Variants in KRT7 observed in about 807,000 individuals in gnomAD.
The protein encoded by KRT7 is keratin 7, also known as keratin, type II cytoskeletal 7.
A neutral mutation model predicts 42.8 loss-of-function variants in KRT7; 50 were observed. The observed-to-expected ratio is 1.17, with a 90% CI of 0.93 to 1.48. The LOEUF is 1.48. Among genes scored for constraint, KRT7 ranks in the 40% most tolerant of loss-of-function variants. The pLI, the probability that KRT7 is intolerant of heterozygous loss-of-function variation, is 0.00. For missense variants in KRT7, 588 were observed against 637.6 expected, an observed-to-expected ratio of 0.92 and a Z score of 0.84; for synonymous variants, 268 against 266.3, an observed-to-expected ratio of 1.01 and a Z score of -0.06.
chr12:52,247,636 T>G (rs1487466171), intron 7 of KRT7: 1 of 155,080 alleles, frequency 6.4e-6, no homozygotes, highest in African/African-American at 2.4e-5. Context: ...CCACCCCCAC[T>G]CCCTGCTCCT....
At chr12:52,243,369 G>T (rs2121093842) in intron 6 of KRT7, 1 of 493,622 alleles carries the variant, frequency 2.0e-6, no homozygotes. Flanking sequence ...GGAGACTCAG[G>T]CTGGCTGGCC....
intron 2 of KRT7, among the ~76,000 whole-genome samples, chr12:52,236,736 C>T (rs565063281): frequency 4.6e-5 from 7 of 152,166 alleles, no homozygotes; most frequent in Non-Finnish European, 8.8e-5. Context: ...CTCTTGTTTC[C>T]AACACCTTTT....
chr12:52,237,638 C>T (rs1592389849), intron 3 of KRT7, 69 bp downstream of exon 3: 2 of 1,366,108 alleles, frequency 1.5e-6, no homozygotes, highest in Non-Finnish European at 2.1e-6. Flanking sequence ...AGGATCCTCT[C>T]ACCTGAGCAG....
At chr12:52,245,777 C>T in intron 7 of KRT7, 145 bp downstream of exon 7, 1 of 1,054,176 alleles carries the variant, frequency 9.5e-7, no homozygotes, top group Non-Finnish European at 1.3e-6. Context: ...AGAGCTGATG[C>T]TTGCCTCTTT....
At chr12:52,234,187 G>T (rs1325794664) in intron 1 of KRT7, among the ~76,000 whole-genome samples, 2 of 151,188 alleles carry the variant, frequency 1.3e-5, no homozygotes, top group African/African-American at 4.9e-5. Context: ...CCTCCCTTAG[G>T]TGGCAGGAGG....
intron 6 of KRT7, 183 bp from the exon 7 acceptor site, chr12:52,245,229 C>A (rs1333557285): frequency 1.6e-6 from 1 of 628,780 alleles, no homozygotes; most frequent in Non-Finnish European, 2.7e-6. Context: ...AGAGCCAGAA[C>A]TGGAACATAG....
downstream of KRT7, chr12:52,253,204 C>A: frequency 6.2e-7 from 1 of 1,602,214 alleles, no homozygotes; most frequent in Non-Finnish European, 8.6e-7. Context: ...GTGGGCTGGG[C>A]TCCCATACCT....
intron 5 of KRT7, 135 bp from the exon 6 acceptor site, chr12:52,242,877 G>A (rs1038454087): frequency 7.0e-6 from 7 of 999,768 alleles, no homozygotes; most frequent in African/African-American, 1.7e-5. Context: ...TCCTGGCATC[G>A]GGCAAAGGTT....
chr12:52,238,788 GA>G lies in KRT7; in HGVS notation c.693+14del, dbSNP rs746323242. ...CCTCAATGAGACGGTGAGGACCATG[GA>G]GCTGGGTGACATGTCTTATCCTACC... On this transcript the variant is annotated intron_variant, in intron 4 of 8. Coordinates refer to ENST00000331817, the MANE Select transcript of KRT7 (RefSeq NM_005556.4). The G allele has an allele frequency of 6.5e-7, 1 of 1,543,874 alleles. No individual in the cohort carries two copies. The highest frequency in any genetic ancestry group is 1.7e-5 in the Admixed American group (1 of 59,928).
Position 52,233,400 on chromosome 12 carries a change from G to C in KRT7, c.104G>C (p.Gly35Ala), listed in dbSNP as rs1941950754. The change falls in exon 1 of 9, where the codon GGC becomes GCC. Residue 35 changes from glycine (G) to alanine (A), a missense_variant. By Grantham distance (60) the Gly-to-Ala change is moderately conservative. Transcript: ENST00000331817. ...AGCTCCGCTCGCCCCGGCGGCCTTG[G>C]CAGCAGCAGCCTCTACGGCCTCGGC... ...RLSSARPGGL[G>A]SSSLYGLGAS... 6.4e-7 allele frequency: 1 copy of C among 1,563,964 alleles called. No homozygotes were observed. The highest frequency in any genetic ancestry group is 1.4e-5 in the African/African-American group (1 of 69,902).
At chr12:52,235,404 C>G (rs763888266) in intron 2 of KRT7, 38 bp downstream of exon 2, 2 of 1,543,266 alleles carry the variant, frequency 1.3e-6, no homozygotes, top group Non-Finnish European at 1.8e-6. Context: ...ACCCCTGCCC[C>G]GGGCCAATGT....
In KRT7 at chr12:52,235,295, G is replaced by A; in HGVS notation, c.465G>A (p.Leu155=). Reference sequence around the variant, plus strand: ...GCCTTCGGGGTCAGCTTGAGGCACTGCAGGTGGATGGGGGCCGCCTGGAGG... The same window carrying A: ...GCCTTCGGGGTCAGCTTGAGGCACTACAGGTGGATGGGGGCCGCCTGGAGG... ...IAGLRGQLEA[L]QVDGGRLEAE... The change falls in exon 2 of 9, where the codon CTG becomes CTA. Residue 155 remains leucine, a synonymous_variant. Transcript: ENST00000331817. The A allele has an allele frequency of 1.2e-6, 2 of 1,614,132 alleles. No individual in the cohort carries two copies. Among genetic ancestry groups the A allele is most frequent in the Non-Finnish European group, 1.7e-6 (2 of 1,180,006 alleles).
At chr12:52,234,127 A>AGGGGGGGG (rs574825664) in intron 1 of KRT7, among the ~76,000 whole-genome samples, 1 of 82,846 alleles carries the variant, frequency 1.2e-5, no homozygotes, top group Non-Finnish European at 2.4e-5. Flanking sequence ...GGGGCGGGGG[A>AGGGGGGGG]GGGGGGGGGG....
chr12:52,242,577 A>G (rs1016599574), intron 5 of KRT7, among the ~76,000 whole-genome samples: 3 of 152,162 alleles, frequency 2.0e-5, no homozygotes, highest in African/African-American at 7.2e-5. Flanking sequence ...TGAGAACACA[A>G]GTATGCCAAC....
chr12:52,246,863 T>C (rs1310607442), intron 7 of KRT7, among the ~76,000 whole-genome samples: 1 of 152,110 alleles, frequency 6.6e-6, no homozygotes, highest in Non-Finnish European at 1.5e-5. Flanking sequence ...TGGGGGACTC[T>C]TAGAGTGGTA....
At chr12:52,234,097 A>C (rs1304799276) in intron 1 of KRT7, among the ~76,000 whole-genome samples, 18 of 111,828 alleles carry the variant, frequency 1.6e-4, no homozygotes, top group African/African-American at 4.2e-4. Flanking sequence ...CAGATGCTGG[A>C]GATTAGAGCG....
At chr12:52,241,763 G>A (rs1370807314) in intron 5 of KRT7, 127 bp downstream of exon 5, 1 of 776,756 alleles carries the variant, frequency 1.3e-6, no homozygotes, top group South Asian at 1.8e-5. Context: ...AGTGGTTTAA[G>A]TCTGTGGTGC....
downstream of KRT7, chr12:52,250,513 G>A (rs984821413): frequency 6.5e-6 from 5 of 766,996 alleles, no homozygotes; most frequent in Middle Eastern, 3.6e-4. Context: ...TGGCCGCAGG[G>A]CGCACACAGG....
downstream of KRT7, chr12:52,253,093 T>C (rs905579178): frequency 9.7e-6 from 9 of 923,516 alleles, no homozygotes; most frequent in African/African-American, 9.8e-5. Context: ...AGGCTGTCTG[T>C]CCTCATGCTG....
Sources: gnomAD v4.1 joint callset for allele counts (sites outside exome capture counted in the v4.1 genomes callset) on GRCh38, gnomAD v4.1.1 for gene constraint, MANE v1.5 for transcripts, NCBI Gene and HGNC (gene_info 2026-07-23, HGNC 2026-07-21) for gene names.